IL6R: variants seen among roughly 807,000 people sequenced by gnomAD.
The protein encoded by IL6R is interleukin 6 receptor, also known as interleukin-6 receptor subunit alpha.
Under a neutral mutation model 48.3 loss-of-function variants are expected in IL6R, and 38 were observed. The ratio of observed to expected loss-of-function variants is 0.79; its 90% CI spans 0.61 to 1.03. The LOEUF is 1.03. Among genes scored for constraint, IL6R ranks in the 50% least tolerant of loss-of-function variants. The pLI, the probability that IL6R is intolerant of heterozygous loss-of-function variation, is 0.00. For missense variants in IL6R, 534 were observed against 618.3 expected (o/e 0.86, Z 1.45); for synonymous variants, 264 against 256.2 (o/e 1.03, Z -0.29).
chr1:154,420,835 T>C (rs1277324780), intron 1 of IL6R, among the ~76,000 whole-genome samples: 1 of 152,078 alleles, frequency 6.6e-6, no homozygotes, highest in African/African-American at 2.4e-5. Flanking sequence ...TGCACCCTAC[T>C]GAGATGTACT....
intron 1 of IL6R, among the ~76,000 whole-genome samples, chr1:154,423,182 T>C (rs1185475841): frequency 2.0e-5 from 3 of 149,862 alleles, no homozygotes; most frequent in African/African-American, 4.9e-5. Context: ...CAGTGCCCAC[T>C]GCGCTCTGCC....
intron 1 of IL6R, among the ~76,000 whole-genome samples, chr1:154,417,883 C>T (rs1268333754): frequency 1.3e-5 from 2 of 151,862 alleles, no homozygotes; most frequent in African/African-American, 4.8e-5. Context: ...TACAGGCACC[C>T]GCCACCATAC....
At chr1:154,434,894 G>A in intron 4 of IL6R, 96 bp from the exon 5 acceptor site, 1 of 1,368,912 alleles carries the variant, frequency 7.3e-7, no homozygotes, top group Non-Finnish European at 1.0e-6. Flanking sequence ...AGTGAACGGG[G>A]CTGGGTGGGG....
At chr1:154,453,674 G>T (rs574149312) in intron 8 of IL6R, among the ~76,000 whole-genome samples, 2 of 152,350 alleles carry the variant, frequency 1.3e-5, no homozygotes, top group South Asian at 2.1e-4. Flanking sequence ...GCTGCTGGCA[G>T]TGTTACAGTG....
At chr1:154,411,302 C>T (rs1688006280) in intron 1 of IL6R, among the ~76,000 whole-genome samples, 1 of 152,312 alleles carries the variant, frequency 6.6e-6, no homozygotes, top group African/African-American at 2.4e-5. Context: ...AAGTGATCTG[C>T]CTGCCTCGGC....
intron 9 of IL6R, among the ~76,000 whole-genome samples, chr1:154,461,070 CTTCCCTT>C (rs1158293047): frequency 1.3e-5 from 2 of 152,288 alleles, no homozygotes; most frequent in East Asian, 3.9e-4. Flanking sequence ...ATCGGGGGCC[CTTCCCTT>C]TTAGGTAGCT....
chr1:154,437,043 C>T (rs1689662096), intron 6 of IL6R, among the ~76,000 whole-genome samples: 1 of 152,058 alleles, frequency 6.6e-6, no homozygotes, highest in Non-Finnish European at 1.5e-5. Flanking sequence ...TTAGTAACTG[C>T]CTGATTAATA....
chr1:154,430,334 T>G, intron 2 of IL6R, 149 bp from the exon 3 acceptor site: 2 of 891,100 alleles, frequency 2.2e-6, no homozygotes, highest in Non-Finnish European at 3.3e-6. Flanking sequence ...CATGTGTGGC[T>G]GAGTGTGGCC....
rs894109901 is a variant in IL6R at position 154,421,900 on chromosome 1, C to T, written c.86-7296C>T. On this transcript the variant is annotated intron_variant, in intron 1 of 9. Coordinates refer to ENST00000368485, the MANE Select transcript of IL6R (RefSeq NM_000565.4). ...CCTCCCAATGTGCTGGGATGACAGG[C>T]GTAAGCCACGATGCCTGGTGACTCT... Among the ~76,000 whole-genome samples the T allele has an allele frequency of 2.0e-5, 3 of 152,058 alleles. 1 individual carries two copies. The highest frequency in any genetic ancestry group is 4.1e-4 in the South Asian group (2 of 4,826).
chr1:154,454,219 T>C (rs764609859), intron 8 of IL6R: 3 of 495,806 alleles, frequency 6.1e-6, no homozygotes, highest in Middle Eastern at 5.7e-4. Context: ...AACCCTGAGC[T>C]TGAGGTGTCT....
At chr1:154,447,659 G>A (rs1218035792) in intron 6 of IL6R, among the ~76,000 whole-genome samples, 1 of 149,482 alleles carries the variant, frequency 6.7e-6, no homozygotes, top group Non-Finnish European at 1.5e-5. Context: ...CTTACGGTTG[G>A]ATATTTGGTT....
intron 6 of IL6R, among the ~76,000 whole-genome samples, chr1:154,444,495 C>A (rs1420206720): frequency 6.6e-6 from 1 of 152,214 alleles, no homozygotes; most frequent in African/African-American, 2.4e-5. Context: ...GCATGAGCCA[C>A]CGTGCCCGGC....
intron 9 of IL6R, among the ~76,000 whole-genome samples, chr1:154,458,046 A>G (rs982857677): frequency 6.9e-6 from 1 of 144,768 alleles, no homozygotes; most frequent in Non-Finnish European, 1.5e-5. Flanking sequence ...GGCTCACTGC[A>G]ACCTCCGCCT....
chr1:154,415,081 A>G (rs751339472), intron 1 of IL6R: 47 of 1,341,160 alleles, frequency 3.5e-5, no homozygotes, highest in Non-Finnish European at 4.9e-5. Flanking sequence ...TCTTCCCTGC[A>G]CTTGCTAAGA....
intron 7 of IL6R, among the ~76,000 whole-genome samples, chr1:154,449,101 T>C (rs1690442480): frequency 6.8e-6 from 1 of 146,338 alleles, no homozygotes; most frequent in Admixed American, 6.8e-5. Context: ...TTCACCTTGT[T>C]AGCCAGGATG....
At chr1:154,418,889 C>A (rs1026168615) in intron 1 of IL6R, among the ~76,000 whole-genome samples, 1 of 152,130 alleles carries the variant, frequency 6.6e-6, no homozygotes, top group South Asian at 2.1e-4. Context: ...GCTGACCCCC[C>A]CTTGTGCACA....
chr1:154,453,505 G>A (rs1487577228), intron 8 of IL6R, among the ~76,000 whole-genome samples: 2 of 152,208 alleles, frequency 1.3e-5, no homozygotes, highest in South Asian at 2.1e-4. Flanking sequence ...AGAAGGAGAT[G>A]GTTTTGTTTA....
In IL6R at chr1:154,466,290, T is replaced by C. The variant is rs957140020; in HGVS notation, c.*910T>C. Reference sequence around the variant, plus strand: ...CAGCAGGGAGGGCTTCTGCCATTTCTGAGATCAAAACGGTTTTACTGCAGC... The same window carrying C: ...CAGCAGGGAGGGCTTCTGCCATTTCCGAGATCAAAACGGTTTTACTGCAGC... On this transcript the variant is annotated 3_prime_UTR_variant, in exon 10 of 10. Coordinates refer to ENST00000368485, the MANE Select transcript of IL6R (RefSeq NM_000565.4). 3 of 152,218 alleles carry C rather than the reference T, an allele frequency of 2.0e-5. No homozygotes were observed. The highest frequency in any genetic ancestry group is 7.2e-5 in the African/African-American group (3 of 41,446). The allele number at this position is 152,218 out of a possible 1,614,324, so 9.4% of individuals were successfully genotyped here.
At chr1:154,448,874 G>GTTT (rs1690422657) in intron 7 of IL6R, among the ~76,000 whole-genome samples, 3 of 75,384 alleles carry the variant, frequency 4.0e-5, no homozygotes, top group Non-Finnish European at 5.2e-5. Flanking sequence ...GCTTGTAAGG[G>GTTT]CTTTTTTTTT....
Sources: allele counts gnomAD v4.1 joint callset (sites outside exome capture counted in the v4.1 genomes callset), GRCh38; gene constraint gnomAD v4.1.1; transcripts MANE v1.5; gene names NCBI Gene and HGNC (gene_info 2026-07-23, HGNC 2026-07-21).